Variants in GRID1 observed in about 807,000 individuals in gnomAD.
GRID1 encodes glutamate ionotropic receptor delta type subunit 1.
In GRID1, 28 loss-of-function variants were observed where a neutral mutation model predicts 98.0. That is an observed-to-expected ratio of 0.29 (90% CI 0.21 to 0.39). The LOEUF (loss-of-function observed/expected upper bound fraction) is 0.39, where lower values mean the gene tolerates loss of function less well. Ranked by LOEUF, GRID1 falls within the 10% of genes least tolerant of loss-of-function variation. GRID1 has a pLI of 1.00. For synonymous variants in GRID1, 553 were observed against 538.5 expected (o/e 1.03, Z -0.37); for missense variants, 1,111 against 1,340.5 (o/e 0.83, Z 2.67).
At chr10:86,313,145 G>A (rs957905876) in intron 2 of GRID1, among the ~76,000 whole-genome samples, 13 of 152,232 alleles carry the variant, frequency 8.5e-5, no homozygotes, top group Non-Finnish European at 1.3e-4. Context: ...GGGAACTGGG[G>A]TTGAGACTAT....
At chr10:86,200,440 A>C (rs138445655) in intron 3 of GRID1, among the ~76,000 whole-genome samples, 5 of 152,288 alleles carry the variant, frequency 3.3e-5, no homozygotes, top group Non-Finnish European at 7.4e-5. Context: ...ACAGATGCTG[A>C]GAGAGGTAGG....
chr10:85,753,092 A>G (rs1842063971), intron 8 of GRID1, among the ~76,000 whole-genome samples: 1 of 152,216 alleles, frequency 6.6e-6, no homozygotes, highest in Non-Finnish European at 1.5e-5. Context: ...CTTCAATGAG[A>G]TAAGCAGAGA....
chr10:86,262,545 G>A (rs1847031834), intron 2 of GRID1, among the ~76,000 whole-genome samples: 1 of 152,184 alleles, frequency 6.6e-6, no homozygotes, highest in Non-Finnish European at 1.5e-5. Flanking sequence ...AGTGGAGGGC[G>A]CCTTCTGGAG....
intron 12 of GRID1, among the ~76,000 whole-genome samples, chr10:85,681,678 T>C (rs1403798980): frequency 6.6e-6 from 1 of 152,112 alleles, no homozygotes; most frequent in Non-Finnish European, 1.5e-5. Flanking sequence ...AGGGTAATTA[T>C]TCCCTCCACA....
intron 12 of GRID1, among the ~76,000 whole-genome samples, chr10:85,663,255 G>T (rs1298354475): frequency 6.6e-6 from 1 of 152,146 alleles, no homozygotes; most frequent in Non-Finnish European, 1.5e-5. Flanking sequence ...AGTACCACGA[G>T]TGTCCTTATA....
At chr10:85,844,716 T>C (rs920426260) in intron 8 of GRID1, among the ~76,000 whole-genome samples, 8 of 151,962 alleles carry the variant, frequency 5.3e-5, no homozygotes, top group Non-Finnish European at 1.0e-4. Flanking sequence ...TTAGCAAATA[T>C]TGGAATATAC....
At chr10:86,087,423 G>A (rs990724006) in intron 4 of GRID1, among the ~76,000 whole-genome samples, 1 of 150,696 alleles carries the variant, frequency 6.6e-6, no homozygotes, top group African/African-American at 2.4e-5. Flanking sequence ...GTCTGTGTAT[G>A]TGTGTGTACA....
chr10:85,923,601 G>C (rs189308743), intron 4 of GRID1, among the ~76,000 whole-genome samples: 126 of 152,254 alleles, frequency 8.3e-4, no homozygotes, highest in African/African-American at 2.8e-3. Context: ...TACTGAAAGA[G>C]GCTACTGAGC....
chr10:85,978,324 C>T (rs1349819624), intron 4 of GRID1, among the ~76,000 whole-genome samples: 1 of 152,186 alleles, frequency 6.6e-6, no homozygotes. Context: ...AGCCGAAAAA[C>T]ATATTGCATT....
intron 2 of GRID1, among the ~76,000 whole-genome samples, chr10:86,315,491 C>G (rs1261453579): frequency 6.6e-6 from 1 of 152,224 alleles, no homozygotes; most frequent in Admixed American, 6.5e-5. Context: ...CTCAGAACTA[C>G]TACAGCCTCT....
chr10:86,109,913 A>C (rs1844450651), intron 4 of GRID1, among the ~76,000 whole-genome samples: 1 of 152,082 alleles, frequency 6.6e-6, no homozygotes, highest in South Asian at 2.1e-4. Flanking sequence ...AAAGAAAAAA[A>C]TGCATGTCAA....
At chr10:86,218,613 G>C (rs1455192724) in intron 2 of GRID1, among the ~76,000 whole-genome samples, 2 of 152,168 alleles carry the variant, frequency 1.3e-5, no homozygotes, top group African/African-American at 4.8e-5. Context: ...TGCACCTGCT[G>C]TTCCCCTGCC....
chr10:86,193,336 A>G (rs1845831327), intron 3 of GRID1, among the ~76,000 whole-genome samples: 1 of 152,154 alleles, frequency 6.6e-6, no homozygotes, highest in Non-Finnish European at 1.5e-5. Flanking sequence ...CAGAGTAACT[A>G]CACAGTGAAT....
chr10:85,653,715 C>G (rs777534306), intron 12 of GRID1, among the ~76,000 whole-genome samples: 10 of 152,092 alleles, frequency 6.6e-5, no homozygotes, highest in Non-Finnish European at 1.5e-4. Flanking sequence ...ATGGACTAAT[C>G]AGTCATCATG....
At chr10:85,815,235 G>A (rs1037815670) in intron 8 of GRID1, among the ~76,000 whole-genome samples, 4 of 151,922 alleles carry the variant, frequency 2.6e-5, no homozygotes, top group African/African-American at 9.7e-5. Context: ...AGAACAGAAG[G>A]AAACTTCCAC....
chr10:85,694,832 G>A (rs1841376275), intron 12 of GRID1, among the ~76,000 whole-genome samples: 1 of 151,432 alleles, frequency 6.6e-6, no homozygotes, highest in South Asian at 2.1e-4. Context: ...GGAGGGAGGT[G>A]ACAATGAGAA....
intron 10 of GRID1, among the ~76,000 whole-genome samples, chr10:85,725,753 TATGTAGGCTAGGGACAGATATACTC>T (rs1452785252): frequency 1.3e-5 from 2 of 152,196 alleles, no homozygotes; most frequent in African/African-American, 4.8e-5. Context: ...CAAGGTTTAA[TATGTAGGCTAGGGACAGATATACTC>T]ATGTCCTAAA....
chr10:85,617,005 C>G (rs1842797478), intron 14 of GRID1, among the ~76,000 whole-genome samples: 1 of 152,192 alleles, frequency 6.6e-6, no homozygotes, highest in Admixed American at 6.5e-5. Context: ...TACATCCTGT[C>G]CTCTGCCAAA....
chr10:85,769,351 T>C (rs1842230889), intron 8 of GRID1, among the ~76,000 whole-genome samples: 1 of 152,310 alleles, frequency 6.6e-6, no homozygotes, highest in South Asian at 2.1e-4. Flanking sequence ...GGAGCCAAGA[T>C]GGCTGAATAG....
Sources: allele counts gnomAD v4.1 joint callset (sites outside exome capture counted in the v4.1 genomes callset), GRCh38; gene constraint gnomAD v4.1.1; transcripts MANE v1.5; gene names NCBI Gene and HGNC (gene_info 2026-07-23, HGNC 2026-07-21).